Variants in KIF4A observed in about 807,000 individuals in gnomAD.
KIF4A encodes kinesin family member 4A.
KIF4A carries 7 observed loss-of-function variants against 105.9 expected under a neutral mutation model. The ratio of observed to expected loss-of-function variants is 0.07; its 90% confidence interval spans 0.04 to 0.12. The LOEUF (loss-of-function observed/expected upper bound fraction) is 0.12, where lower values mean the gene tolerates loss of function less well. Among genes scored for constraint, KIF4A ranks in the 10% least tolerant of loss-of-function variants. The probability of loss-of-function intolerance (pLI) is 1.00; values close to 1 mark genes in which losing one functional copy is unlikely to be tolerated. For synonymous variants in KIF4A, 281 were observed against 331.3 expected, an observed-to-expected ratio of 0.85 and a Z score of 1.65; for missense variants, 558 against 929.2, an observed-to-expected ratio of 0.60 and a Z score of 5.19.
At chrX:70,372,010 G>A (rs1357141036) in intron 15 of KIF4A, among the ~76,000 whole-genome samples, 15 of 108,260 alleles carry the variant, frequency 1.4e-4, no homozygotes, top group South Asian at 1.3e-3. Flanking sequence ...CAGATGGGGC[G>A]GCAGGGCAGA....
intron 20 of KIF4A, among the ~76,000 whole-genome samples, chrX:70,393,801 C>G: frequency 6.7e-4 from 1 of 1,502 alleles, no homozygotes; most frequent in Admixed American, 0.011. Flanking sequence ...TTTCTTTTCT[C>G]TTTCTTTCTT....
At chrX:70,290,994 C>CT (rs1190757723) in intron 3 of KIF4A, among the ~76,000 whole-genome samples, 189 bp downstream of exon 3, 1 of 111,145 alleles carries the variant, frequency 9.0e-6, no homozygotes, top group Non-Finnish European at 1.9e-5. Flanking sequence ...TCTGTATTTG[C>CT]TTTATGTGGT....
At chrX:70,402,150 T>C (rs182335625) in intron 22 of KIF4A, among the ~76,000 whole-genome samples, 202 of 111,821 alleles carry the variant, frequency 1.8e-3, no homozygotes, top group Non-Finnish European at 3.1e-3. Context: ...AGAGCATATC[T>C]ACCTGTTCTT....
chrX:70,394,755 G>A (rs1045433190), intron 20 of KIF4A, among the ~76,000 whole-genome samples: 17 of 111,499 alleles, frequency 1.5e-4, no homozygotes, highest in African/African-American at 2.9e-4. Context: ...TATTAGGGAC[G>A]TACACATTAA....
At position 70,419,320 on chromosome X, in the gene KIF4A, C is replaced by T. The variant is rs768042308; in HGVS notation, c.3373-341C>T. 2.4e-3 allele frequency among the ~76,000 whole-genome samples: 264 copies of T among 112,206 alleles called. 1 individual carries two copies. The highest frequency in any genetic ancestry group is 4.0e-3 in the Non-Finnish European group (211 of 53,241). ...ACTCAGTTTTCTTAACTGAAAGGAA[C>T]ACCCAGTATGGATGCTAAAAGAGAT... On this transcript the variant is annotated intron_variant, in intron 29 of 30. Coordinates refer to ENST00000374403, the MANE Select transcript of KIF4A (RefSeq NM_012310.5).
intron 28 of KIF4A, 147 bp downstream of exon 28, chrX:70,407,222 C>T: frequency 6.5e-6 from 4 of 613,485 alleles, no homozygotes; most frequent in Non-Finnish European, 9.8e-6. Flanking sequence ...ATTCTCGTGT[C>T]TCAGCCTCCT....
intron 13 of KIF4A, among the ~76,000 whole-genome samples, chrX:70,349,925 ACGGGGTGGCGGCCGGG>A (rs2147703708): frequency 2.4e-5 from 2 of 84,939 alleles, no homozygotes; most frequent in East Asian, 4.4e-4. Context: ...CACCTCCCAG[ACGGGGTGGCGGCCGGG>A]CAGAGGCGCT....
intron 20 of KIF4A, among the ~76,000 whole-genome samples, chrX:70,394,321 A>G (rs1034750433): frequency 3.7e-5 from 4 of 109,089 alleles, no homozygotes; most frequent in Non-Finnish European, 5.7e-5. Context: ...CTCCCATCTC[A>G]GTCTCCCGAC....
At chrX:70,355,874 A>G (rs2086049035) in intron 15 of KIF4A, among the ~76,000 whole-genome samples, 1 of 112,061 alleles carries the variant, frequency 8.9e-6, no homozygotes, top group Non-Finnish European at 1.9e-5. Flanking sequence ...CAGAGTAAAG[A>G]CAAAAAAAGT....
chrX:70,395,174 A>T (rs755063738), intron 20 of KIF4A, among the ~76,000 whole-genome samples: 10 of 112,160 alleles, frequency 8.9e-5, no homozygotes, highest in Admixed American at 1.9e-4. Flanking sequence ...TGAACCTGGG[A>T]GGCAGAGGTT....
intron 10 of KIF4A, among the ~76,000 whole-genome samples, chrX:70,336,291 G>A (rs1002239519): frequency 1.8e-5 from 2 of 111,891 alleles, no homozygotes; most frequent in African/African-American, 6.5e-5. Context: ...CCAATGTTTT[G>A]CAATTAAAAA....
chrX:70,309,231 A>G (rs780259851), intron 7 of KIF4A, among the ~76,000 whole-genome samples: 10 of 112,339 alleles, frequency 8.9e-5, no homozygotes, highest in Admixed American at 4.7e-4. Context: ...ATGTTTCTCT[A>G]TACTACTGAC....
chrX:70,350,457 C>A (rs1181206683), intron 13 of KIF4A, among the ~76,000 whole-genome samples: 1 of 109,800 alleles, frequency 9.1e-6, no homozygotes, highest in Non-Finnish European at 1.9e-5. Flanking sequence ...TACAGTCCAG[C>A]CTCGGCAACA....
In KIF4A at chrX:70,299,173, A is replaced by G. The variant is rs1424763754; in HGVS notation, c.487A>G (p.Ile163Val). ...ATCTCGTGAGAAAGCTCAAATAAAT[A>G]TACGAGAGGATCCTAAGGAAGGCAT... ...CPSREKAQIN[I>V]REDPKEGIKI... is the part of the protein sequence containing the mutation. The change falls in exon 5 of 31, where the codon ATA becomes GTA. Residue 163 changes from isoleucine to valine, a missense_variant. Coordinates refer to ENST00000374403, the MANE Select transcript of KIF4A (RefSeq NM_012310.5). 5.8e-6 allele frequency: 7 copies of G among 1,204,777 alleles called. No individual in the cohort carries two copies. The African/African-American group carries it at 1.2e-4, about 21-fold the overall frequency.
At chrX:70,317,749 G>A (rs975634239) in intron 7 of KIF4A, among the ~76,000 whole-genome samples, 1 of 110,064 alleles carries the variant, frequency 9.1e-6, no homozygotes, top group Non-Finnish European at 1.9e-5. Flanking sequence ...TCCCTATGTT[G>A]CCCAGGTTGG....
chrX:70,301,544 A>G (rs1255252596), intron 5 of KIF4A, among the ~76,000 whole-genome samples: 1 of 111,699 alleles, frequency 9.0e-6, no homozygotes, highest in Non-Finnish European at 1.9e-5. Flanking sequence ...GGTGAAAGTA[A>G]CAAAGAGAAA....
intron 7 of KIF4A, among the ~76,000 whole-genome samples, chrX:70,326,807 C>T (rs2085912730): frequency 8.9e-6 from 1 of 112,084 alleles, no homozygotes; most frequent in Non-Finnish European, 1.9e-5. Context: ...GAAATCAAAT[C>T]CTGTTTTGTG....
In KIF4A at chrX:70,375,469, G is replaced by T. The variant is rs1602786957; in HGVS notation, c.1923+121G>T. The T allele has an allele frequency of 1.4e-5, 10 of 698,931 alleles. No homozygotes were observed. In the East Asian group the frequency reaches 3.4e-4, roughly 24 times the overall value. 57.6% of individuals were successfully genotyped at this position (698,931 alleles called of 1,213,427 possible). A position where few individuals can be genotyped will look rare whatever the true frequency, so the allele number is the denominator to read the frequency against. On this transcript the variant is annotated intron_variant, in intron 17 of 30. Transcript: ENST00000374403. The stretch of plus-strand genomic sequence containing the variant: ...ATAGCAGGCAGAGCAATCATTTCAA[G>T]TGTGTGAATCTCCACAAATGTCCCT...
intron 15 of KIF4A, among the ~76,000 whole-genome samples, chrX:70,367,740 T>G (rs1284882283): frequency 1.8e-5 from 2 of 111,118 alleles, no homozygotes; most frequent in Non-Finnish European, 3.8e-5. Flanking sequence ...TGGAGTTGCT[T>G]TTCTCGAGGA....
Sources: gnomAD v4.1 joint callset for allele counts (sites outside exome capture counted in the v4.1 genomes callset) on GRCh38, gnomAD v4.1.1 for gene constraint, MANE v1.5 for transcripts, NCBI Gene and HGNC (gene_info 2026-07-23, HGNC 2026-07-21) for gene names.